Variants in ABCB11 observed in about 807,000 individuals in gnomAD.
The protein encoded by ABCB11 is ATP binding cassette subfamily B member 11.
ABCB11 carries 95 observed loss-of-function variants against 148.0 expected under a neutral mutation model. That is an observed-to-expected ratio of 0.64 (90% confidence interval 0.54 to 0.76). The LOEUF (loss-of-function observed/expected upper bound fraction) is 0.76, where lower values mean the gene tolerates loss of function less well. ABCB11 is among the 30% of genes least tolerant of loss of function. The probability of loss-of-function intolerance (pLI) is 0.00; values close to 1 mark genes in which losing one functional copy is unlikely to be tolerated. For missense variants in ABCB11, 1,523 were observed against 1,617.8 expected, an observed-to-expected ratio of 0.94 and a Z score of 1.01; for synonymous variants, 591 against 555.4, an observed-to-expected ratio of 1.06 and a Z score of -0.90.
At chr2:168,962,043 A>C (rs554874281) in intron 18 of ABCB11, among the ~76,000 whole-genome samples, 1 of 151,884 alleles carries the variant, frequency 6.6e-6, no homozygotes, top group African/African-American at 2.4e-5. Context: ...TAGAAATTTC[A>C]TAAGTCAAAT....
At chr2:168,995,242 G>A (rs1451408239) in intron 7 of ABCB11, 107 bp downstream of exon 7, 1 of 1,294,894 alleles carries the variant, frequency 7.7e-7, no homozygotes. Flanking sequence ...TTTAAGAGAT[G>A]AAACATAGGA....
At chr2:169,021,666 T>C (rs1695543021) in intron 1 of ABCB11, among the ~76,000 whole-genome samples, 1 of 152,136 alleles carries the variant, frequency 6.6e-6, no homozygotes, top group Non-Finnish European at 1.5e-5. Flanking sequence ...GGTTGAACAT[T>C]GTTCATATAT....
At chr2:168,963,790 A>G (rs1172070421) in intron 18 of ABCB11, among the ~76,000 whole-genome samples, 1 of 151,784 alleles carries the variant, frequency 6.6e-6, no homozygotes, top group Non-Finnish European at 1.5e-5. Context: ...TGATCAAGGT[A>G]TTTTTGCCAA....
chr2:168,995,607 T>A (rs1694688370), intron 6 of ABCB11, 125 bp from the exon 7 acceptor site: 3 of 1,038,988 alleles, frequency 2.9e-6, no homozygotes, highest in Non-Finnish European at 2.8e-6. Context: ...AGAAAATGCC[T>A]CTTCTTGGGA....
Position 168,935,209 on chromosome 2 carries a change from C to G in ABCB11, c.3031G>C (p.Gly1011Arg). Reference protein sequence around the residue: ...RYGGYLISNEGLHFSYVFRVI... With the variant: ...RYGGYLISNERLHFSYVFRVI... ...CTGAACACATAGCTGAAATGGAGCC[C>G]CTCATTGGAGATTAAGTAACCTCCA... Residue 1011 changes from glycine to arginine, a missense_variant, in exon 23 of 28, where the codon GGG (glycine) becomes CGG (arginine). Physicochemically the swap from Gly to Arg is moderately radical, Grantham distance 125. Transcript: ENST00000650372. The G allele has an allele frequency of 6.2e-7, 1 of 1,613,988 alleles. No individual in the cohort carries two copies. The highest frequency in any genetic ancestry group is 1.1e-5 in the South Asian group (1 of 91,086).
chr2:168,996,783 A>C, intron 5 of ABCB11, 61 bp from the exon 6 acceptor site: 1 of 860,000 alleles, frequency 1.2e-6, no homozygotes. Flanking sequence ...CAGAGATTAC[A>C]TTTGTGGATA....
intron 5 of ABCB11, among the ~76,000 whole-genome samples, chr2:168,998,733 G>C (rs10175055): frequency 0.04 from 6,137 of 152,102 alleles, 426 homozygotes; most frequent in African/African-American, 0.14. Flanking sequence ...CCCAGCTCTG[G>C]GATTTTCTGG....
intron 9 of ABCB11, among the ~76,000 whole-genome samples, chr2:168,989,720 C>T (rs983887380): frequency 6.6e-6 from 1 of 151,888 alleles, no homozygotes; most frequent in Non-Finnish European, 1.5e-5. Flanking sequence ...AAATTCTCAC[C>T]CTTGAGTATG....
rs75406106 is a variant in ABCB11 at position 169,030,155 on chromosome 2, C to G, written c.-28+1070G>C. The stretch of plus-strand genomic sequence containing the variant: ...TAAAACCACAAAATGGGCATTTTCC[C>G]CCTAAATAGCTTCTTAATCCATTTT... On this transcript the variant is annotated intron_variant, in intron 1 of 27. Transcript: ENST00000650372. Among the ~76,000 whole-genome samples the G allele has an allele frequency of 6.6e-3, 1,004 of 152,238 alleles. 13 individuals carry two copies. The highest frequency in any genetic ancestry group is 0.023 in the African/African-American group (975 of 41,530).
intron 21 of ABCB11, among the ~76,000 whole-genome samples, chr2:168,940,125 C>T (rs1416782702): frequency 2.0e-5 from 3 of 151,934 alleles, no homozygotes; most frequent in Non-Finnish European, 4.4e-5. Context: ...TCTAAGTGTT[C>T]AAGTGAAATA....
chr2:169,000,093 G>A (rs1694827055), intron 5 of ABCB11, among the ~76,000 whole-genome samples: 2 of 151,906 alleles, frequency 1.3e-5, no homozygotes, highest in South Asian at 4.2e-4. Context: ...TATTTCATGT[G>A]CTCATTTGCC....
chr2:168,968,426 C>G lies in ABCB11; in HGVS notation c.2075+1G>C. On this transcript the variant is annotated splice_donor_variant, in intron 17 of 27. Transcript: ENST00000650372. LOFTEE classifies it high-confidence loss of function. The stretch of plus-strand genomic sequence containing the variant: ...TAATCTGCCCCATGGCTTGAGCTTA[C>G]CTTAAACTATCCTGGTAGCTCCCTC... 1 of 1,610,082 alleles carries G rather than the reference C, an allele frequency of 6.2e-7. No homozygotes were observed.
At chr2:168,969,307 A>G in intron 16 of ABCB11, 43 bp downstream of exon 16, 1 of 1,532,124 alleles carries the variant, frequency 6.5e-7, no homozygotes, top group Non-Finnish European at 8.9e-7. Flanking sequence ...TATAGACATT[A>G]ACTATTTAAT....
intron 18 of ABCB11, among the ~76,000 whole-genome samples, chr2:168,958,610 T>C (rs548897451): frequency 4.9e-4 from 75 of 151,602 alleles, no homozygotes; most frequent in Non-Finnish European, 1.3e-4. Context: ...ATACATTAAG[T>C]GGTGTCAACA....
chr2:169,005,217 C>G (rs11890609), intron 5 of ABCB11, among the ~76,000 whole-genome samples: 22,111 of 151,834 alleles, frequency 0.15, 2,631 homozygotes, highest in East Asian at 0.36. Context: ...ACCTGGTTAT[C>G]TATTCAGGTT....
At position 168,934,341 on chromosome 2, in the gene ABCB11, G is replaced by GACC. The variant is rs1241472168; in HGVS notation, c.3056+840_3056+842dup. Reference sequence around the variant, plus strand: ...GAAACCCAAGAACCGATTCCTATAGGACCACTTTTCCTAATGCCCTCCAAA... The same window carrying GACC: ...GAAACCCAAGAACCGATTCCTATAGGACCACCACTTTTCCTAATGCCCTCCAAA... On this transcript the variant is annotated intron_variant, in intron 23 of 27. Transcript: ENST00000650372. Among the ~76,000 whole-genome samples, 3 of 151,978 alleles carry GACC rather than the reference G, an allele frequency of 2.0e-5. 1 individual carries two copies. The highest frequency in any genetic ancestry group is 7.2e-5 in the African/African-American group (3 of 41,390).
chr2:168,930,956 G>T (rs1161122131), intron 24 of ABCB11, 94 bp from the exon 25 acceptor site: 1 of 1,148,264 alleles, frequency 8.7e-7, no homozygotes, highest in Non-Finnish European at 1.2e-6. Context: ...CCCTGCTTGA[G>T]ATACCTTCAA....
chr2:168,960,657 G>C (rs1327438842), intron 18 of ABCB11, among the ~76,000 whole-genome samples: 1 of 151,482 alleles, frequency 6.6e-6, no homozygotes, highest in Admixed American at 6.6e-5. Flanking sequence ...TTTAAAGTTT[G>C]ACCCCCCCGA....
At chr2:168,920,563 T>C (rs1311919054), downstream of ABCB11, among the ~76,000 whole-genome samples, 2 of 151,992 alleles carry the variant, frequency 1.3e-5, no homozygotes, top group African/African-American at 4.8e-5. Flanking sequence ...TTTTTTCCTG[T>C]TAACTTTTAT....
Sources: gnomAD v4.1 joint callset for allele counts (sites outside exome capture counted in the v4.1 genomes callset) on GRCh38, gnomAD v4.1.1 for gene constraint, MANE v1.5 for transcripts, NCBI Gene and HGNC (gene_info 2026-07-23, HGNC 2026-07-21) for gene names.